The following SVOP variants were observed in gnomAD, a reference collection of about 807,000 sequenced individuals.
SVOP encodes the protein synaptic vesicle 2-related protein.
SVOP carries 17 observed loss-of-function variants against 69.1 expected under a neutral mutation model. The ratio of observed to expected loss-of-function variants is 0.25; its 90% confidence interval spans 0.17 to 0.37. The LOEUF (loss-of-function observed/expected upper bound fraction) is 0.37. Among genes scored for constraint, SVOP ranks in the 10% least tolerant of loss-of-function variants. SVOP has a pLI of 1.00. For synonymous variants in SVOP, 238 were observed against 238.6 expected, an observed-to-expected ratio of 1.00 and a Z score of 0.02; for missense variants, 435 against 597.5, an observed-to-expected ratio of 0.73 and a Z score of 2.84.
intron 1 of SVOP, among the ~76,000 whole-genome samples, chr12:109,014,528 C>G (rs1463602837): frequency 6.6e-6 from 1 of 152,176 alleles, no homozygotes; most frequent in African/African-American, 2.4e-5. Flanking sequence ...CTTCAATACC[C>G]TGCTTCCCAT....
intron 1 of SVOP, among the ~76,000 whole-genome samples, chr12:109,011,169 C>A (rs146860858): frequency 1.3e-3 from 202 of 151,846 alleles, no homozygotes; most frequent in African/African-American, 4.7e-3. Context: ...CCCACATTGG[C>A]CCCCACCAAA....
At chr12:108,964,804 C>T (rs2040035838) in intron 5 of SVOP, among the ~76,000 whole-genome samples, 1 of 152,184 alleles carries the variant, frequency 6.6e-6, no homozygotes, top group African/African-American at 2.4e-5. Context: ...TTCCTTCCTT[C>T]TTTCCTCCTT....
chr12:109,001,159 A>C (rs1593205782), intron 1 of SVOP, among the ~76,000 whole-genome samples: 1 of 56,946 alleles, frequency 1.8e-5, no homozygotes, highest in Non-Finnish European at 3.9e-5. Context: ...GCATTCTTAT[A>C]CACCAATAAC....
At chr12:109,020,751 T>TGGGGGGGGGGGGGGGGGGGGGGGGGGGG in intron 1 of SVOP, 83 bp downstream of exon 1, 1 of 398,290 alleles carries the variant, frequency 2.5e-6, no homozygotes, top group African/African-American at 2.2e-5. Flanking sequence ...CATGCAGAGA[T>TGGGGGGGGGGGGGGGGGGGGGGGGGGGG]GTACCCCCCC....
At chr12:108,978,947 A>G (rs1365146309) in intron 2 of SVOP, among the ~76,000 whole-genome samples, 1 of 152,234 alleles carries the variant, frequency 6.6e-6, no homozygotes, top group East Asian at 1.9e-4. Flanking sequence ...CCACATTATG[A>G]AATATGACCC....
At chr12:109,008,903 G>A (rs2040324702) in intron 1 of SVOP, among the ~76,000 whole-genome samples, 2 of 150,790 alleles carry the variant, frequency 1.3e-5, no homozygotes, top group South Asian at 4.2e-4. Context: ...AAAAAGGCCT[G>A]TGCTGCAACT....
intron 14 of SVOP, 25 bp downstream of exon 14, chr12:108,918,018 A>T: frequency 6.5e-7 from 1 of 1,537,218 alleles, no homozygotes; most frequent in Non-Finnish European, 8.8e-7. Flanking sequence ...CCCGTTCCCC[A>T]GCAGCTCCCA....
chr12:108,910,270 T>TA lies in SVOP; in HGVS notation c.*2264dup, dbSNP rs2039674149. The TA allele has an allele frequency of 6.6e-6, 1 of 152,172 alleles. No individual in the cohort carries two copies. Among genetic ancestry groups the TA allele is most frequent in the South Asian group, 2.1e-4 (1 of 4,830 alleles). 9.4% of individuals were successfully genotyped at this position (152,172 alleles called of 1,614,324 possible). A position where few individuals can be genotyped will look rare whatever the true frequency, so the allele number is the denominator to read the frequency against. ...AGCCACCATACCCAGCAGGAGTTTTTAACTTTCACTTTCTCAAGTAGAGAA... is the reference window on the plus strand; with the variant it reads ...AGCCACCATACCCAGCAGGAGTTTTTAAACTTTCACTTTCTCAAGTAGAGAA... On this transcript the variant is annotated 3_prime_UTR_variant, in exon 16 of 16. Coordinates refer to ENST00000610966, the MANE Select transcript of SVOP (RefSeq NM_018711.5).
chr12:108,995,508 G>A (rs2040226300), intron 1 of SVOP, among the ~76,000 whole-genome samples: 1 of 152,176 alleles, frequency 6.6e-6, no homozygotes, highest in South Asian at 2.1e-4. Context: ...GGGAAGGGAG[G>A]ATAGGGAGTT....
Position 108,912,485 on chromosome 12 carries a change from G to GC in SVOP, c.*49dup, listed in dbSNP as rs749180986. 3.7e-6 allele frequency: 6 copies of GC among 1,606,702 alleles called. No homozygotes were observed. The highest frequency in any genetic ancestry group is 5.1e-6 in the Non-Finnish European group (6 of 1,174,134). ...TCAGTGCCCCAGTTGGGGCCTGCCA[G>GC]CCCCCCAAGCTCTGCAGCCTCAAAG... On this transcript the variant is annotated 3_prime_UTR_variant, in exon 16 of 16. Coordinates refer to ENST00000610966, the MANE Select transcript of SVOP (RefSeq NM_018711.5).
At chr12:108,937,763 G>C (rs560158147) in intron 9 of SVOP, among the ~76,000 whole-genome samples, 152 of 152,274 alleles carry the variant, frequency 1.0e-3, no homozygotes, top group Middle Eastern at 3.4e-3. Flanking sequence ...ATTCACCAAA[G>C]GCCAATTTAC....
intron 5 of SVOP, among the ~76,000 whole-genome samples, chr12:108,969,324 C>T (rs1390778897): frequency 6.7e-6 from 1 of 149,388 alleles, no homozygotes; most frequent in African/African-American, 2.5e-5. Context: ...TTTCTTCCTC[C>T]CCCCTCCCTT....
chr12:108,959,386 C>CTCTG (rs2040004183), intron 6 of SVOP, among the ~76,000 whole-genome samples: 1 of 139,626 alleles, frequency 7.2e-6, no homozygotes, highest in East Asian at 2.1e-4. Flanking sequence ...CAGAGTCTCA[C>CTCTG]TCTGTCATTC....
At chr12:108,950,548 A>G (rs1482461376) in intron 6 of SVOP, among the ~76,000 whole-genome samples, 3 of 151,674 alleles carry the variant, frequency 2.0e-5, no homozygotes, top group African/African-American at 7.3e-5. Context: ...ACACTTGGCT[A>G]ATTTTTGTAT....
chr12:108,920,614 G>C (rs955221740), intron 12 of SVOP, among the ~76,000 whole-genome samples: 1 of 30,088 alleles, frequency 3.3e-5, no homozygotes, highest in Non-Finnish European at 7.1e-5. Flanking sequence ...TTTTTTTTTT[G>C]ACAGAGCTTC....
chr12:108,960,969 C>A lies in SVOP; in HGVS notation c.532G>T (p.Val178Leu). 2.0e-6 allele frequency: 3 copies of A among 1,537,150 alleles called. No individual in the cohort carries two copies. In the South Asian group the frequency reaches 3.6e-5, roughly 18 times the overall value. ...CCGAAGCCCACCAGGCCCCGGAGCACCAGGATCCAGCTATACACGGGCGCA... is the reference window on the plus strand; with the variant it reads ...CCGAAGCCCACCAGGCCCCGGAGCAACAGGATCCAGCTATACACGGGCGCA... ...AFAPVYSWIL[V>L]LRGLVGFGIG... The change falls in exon 6 of 16, where the codon GTG becomes TTG. Residue 178 changes from valine to leucine, a missense_variant. Physicochemically the swap from Val to Leu is conservative, Grantham distance 32 (BLOSUM62 1). Transcript: ENST00000610966.
At chr12:108,979,162 GA>G (rs2040122942) in intron 2 of SVOP, among the ~76,000 whole-genome samples, 1 of 152,122 alleles carries the variant, frequency 6.6e-6, no homozygotes, top group Non-Finnish European at 1.5e-5. Context: ...AGGGAGGAAG[GA>G]AAAAATTATA....
chr12:109,001,687 T>C (rs1177537492), intron 1 of SVOP, among the ~76,000 whole-genome samples: 1 of 142,502 alleles, frequency 7.0e-6, no homozygotes, highest in Non-Finnish European at 1.5e-5. Flanking sequence ...TTGACAAACC[T>C]GAGAAAAACA....
intron 15 of SVOP, among the ~76,000 whole-genome samples, chr12:108,913,965 C>A (rs546673469): frequency 5.9e-5 from 9 of 152,312 alleles, no homozygotes; most frequent in Admixed American, 3.9e-4. Flanking sequence ...TCTTCATTTG[C>A]CAAATGGGCA....
Sources: gnomAD v4.1 joint callset for allele counts (sites outside exome capture counted in the v4.1 genomes callset) on GRCh38, gnomAD v4.1.1 for gene constraint, MANE v1.5 for transcripts, NCBI Gene and HGNC (gene_info 2026-07-23, HGNC 2026-07-21) for gene names.